Variants in CERS3 observed in about 807,000 individuals in gnomAD.
CERS3 encodes the protein LAG1 homolog, ceramide synthase 3.
CERS3 carries 33 observed loss-of-function variants against 50.3 expected under a neutral mutation model. The observed-to-expected ratio is 0.66, with a 90% CI of 0.50 to 0.88. CERS3 has a LOEUF of 0.88. Ranked by LOEUF, CERS3 falls within the 40% of genes least tolerant of loss-of-function variation. The pLI is 0.00. For synonymous variants in CERS3, 176 were observed against 155.2 expected (o/e 1.13, Z -0.99); for missense variants, 470 against 460.3 (o/e 1.02, Z -0.19).
At chr15:100,496,825 T>C (rs1382713127) in intron 3 of CERS3, among the ~76,000 whole-genome samples, 2 of 152,214 alleles carry the variant, frequency 1.3e-5, no homozygotes, top group Non-Finnish European at 2.9e-5. Context: ...TAGTTATGAA[T>C]GATCATTTAG....
At chr15:100,474,839 C>T (rs545919699) in intron 8 of CERS3, among the ~76,000 whole-genome samples, 3 of 152,154 alleles carry the variant, frequency 2.0e-5, no homozygotes, top group African/African-American at 4.8e-5. Flanking sequence ...GATGTTAGTG[C>T]GTGGTGAAGC....
Position 100,455,974 on chromosome 15 carries a change from T to C in CERS3, c.918A>G (p.Leu306=), listed in dbSNP as rs1567630222. The change falls in exon 11 of 12, where the codon CTA becomes CTG. Residue 306 remains leucine (L), a synonymous_variant. Coordinates refer to ENST00000679737, the MANE Select transcript of CERS3 (RefSeq NM_001378789.1). ...EPFFSYIFLN[L]QLMILQVLHL... ...GAAGGACCTGCAAGATCATGAGCTG[T>C]AGGTTGAGGAAGATGTATGAAAAGA... The C allele has an allele frequency of 1.2e-6, 2 of 1,612,598 alleles. No homozygotes were observed. Among genetic ancestry groups the C allele is most frequent in the Non-Finnish European group, 1.7e-6 (2 of 1,178,854 alleles).
chr15:100,444,773 G>T (rs950610772), intron 11 of CERS3, among the ~76,000 whole-genome samples: 2 of 152,114 alleles, frequency 1.3e-5, no homozygotes, highest in Non-Finnish European at 2.9e-5. Context: ...ATACCTCTTG[G>T]TTTAGGTAGA....
At chr15:100,456,166 G>A in intron 10 of CERS3, 120 bp from the exon 11 acceptor site, 4 of 591,548 alleles carry the variant, frequency 6.8e-6, no homozygotes, top group South Asian at 4.4e-5. Context: ...ATAAAGCCCA[G>A]AAAATTATCA....
rs1170051830 is a variant in CERS3 at position 100,494,210 on chromosome 15, CATATATATATAT to C, written c.174-3291_174-3280del. On this transcript the variant is annotated intron_variant, in intron 3 of 11. Coordinates refer to ENST00000679737, the MANE Select transcript of CERS3 (RefSeq NM_001378789.1). ...TTTGCTTAGTCACCTTTTTTCTTTT[CATATATATATAT>C]ATATATATATATATATATATATATA... 1.6e-3 allele frequency among the ~76,000 whole-genome samples: 122 copies of C among 78,114 alleles called. 1 individual carries two copies. The highest frequency in any genetic ancestry group is 6.5e-3 in the African/African-American group (116 of 17,894). 51.2% of individuals were successfully genotyped at this position (78,114 alleles called of 152,430 possible). A position where few individuals can be genotyped will look rare whatever the true frequency, so the allele number is the denominator to read the frequency against.
chr15:100,446,430 T>C lies in CERS3; in HGVS notation c.999+9463A>G, dbSNP rs149271102. ...CTAATTTCCCATACCTCTGTGAAGA[T>C]CTAGAAGCTAAGAGATGGTAGAAAA... On this transcript the variant is annotated intron_variant, in intron 11 of 11. Coordinates refer to ENST00000679737, the MANE Select transcript of CERS3 (RefSeq NM_001378789.1). Among the ~76,000 whole-genome samples the C allele has an allele frequency of 2.2e-3, 337 of 150,302 alleles. 3 individuals are homozygous for C. Among genetic ancestry groups the C allele is most frequent in the Admixed American group, 0.016 (235 of 14,916 alleles).
intron 11 of CERS3, among the ~76,000 whole-genome samples, chr15:100,410,020 T>A (rs181217340): frequency 1.3e-5 from 2 of 152,310 alleles, no homozygotes; most frequent in Admixed American, 1.3e-4. Context: ...TAGCCGCCAT[T>A]ACAGAGCATA....
At chr15:100,461,300 C>G (rs1166906376) in intron 10 of CERS3, among the ~76,000 whole-genome samples, 1 of 152,120 alleles carries the variant, frequency 6.6e-6, no homozygotes, top group East Asian at 1.9e-4. Flanking sequence ...AGACACACAG[C>G]CAGCTTTACA....
At chr15:100,441,362 C>G (rs916516173) in intron 11 of CERS3, among the ~76,000 whole-genome samples, 2 of 151,264 alleles carry the variant, frequency 1.3e-5, no homozygotes, top group Non-Finnish European at 2.9e-5. Context: ...GACCCCTTAT[C>G]TCTGCACCCC....
intron 11 of CERS3, among the ~76,000 whole-genome samples, chr15:100,411,296 G>T (rs563417152): frequency 1.4e-4 from 21 of 152,226 alleles, no homozygotes; most frequent in Admixed American, 4.6e-4. Context: ...CAAGTAGCTG[G>T]CGTTACAGGT....
At chr15:100,543,071 A>G (rs1348285102) in intron 1 of CERS3, among the ~76,000 whole-genome samples, 1 of 151,588 alleles carries the variant, frequency 6.6e-6, no homozygotes, top group Non-Finnish European at 1.5e-5. Context: ...CCACCACCAC[A>G]CCTGGCTAGT....
chr15:100,471,551 T>G (rs1360260306), intron 9 of CERS3, among the ~76,000 whole-genome samples: 1 of 152,132 alleles, frequency 6.6e-6, no homozygotes, highest in African/African-American at 2.4e-5. Context: ...CAGAGTCGTA[T>G]AAAATTCTTA....
intron 1 of CERS3, among the ~76,000 whole-genome samples, chr15:100,543,481 G>GCCTT (rs781781900): frequency 0.027 from 3,055 of 114,132 alleles, 33 homozygotes; most frequent in Non-Finnish European, 0.039. Context: ...CACAAGAGAA[G>GCCTT]GCTTCCTTCC....
intron 11 of CERS3, among the ~76,000 whole-genome samples, chr15:100,435,927 G>C (rs933024582): frequency 4.6e-5 from 7 of 152,180 alleles, no homozygotes; most frequent in African/African-American, 1.4e-4. Context: ...CAATGAGATA[G>C]CATCTCACAC....
intron 11 of CERS3, among the ~76,000 whole-genome samples, chr15:100,442,759 A>C (rs2033736124): frequency 6.6e-6 from 1 of 152,258 alleles, no homozygotes; most frequent in Non-Finnish European, 1.5e-5. Flanking sequence ...TAGCAGCTGA[A>C]GACTGACACT....
intron 11 of CERS3, among the ~76,000 whole-genome samples, chr15:100,425,559 A>AT (rs1167748611): frequency 6.6e-6 from 1 of 152,162 alleles, no homozygotes; most frequent in Non-Finnish European, 1.5e-5. Context: ...GAAAGGGAGT[A>AT]TTTACCCAAT....
chr15:100,468,488 C>A (rs1036016724), intron 10 of CERS3, among the ~76,000 whole-genome samples: 10 of 152,156 alleles, frequency 6.6e-5, no homozygotes, highest in Non-Finnish European at 1.2e-4. Flanking sequence ...GGCTGGATTT[C>A]CCTGGATGCC....
intron 9 of CERS3, 50 bp downstream of exon 9, chr15:100,472,874 G>GAA: frequency 6.2e-7 from 1 of 1,611,708 alleles, no homozygotes; most frequent in Non-Finnish European, 8.5e-7. Context: ...AGCAGTTACG[G>GAA]AAACCCAGGA....
chr15:100,521,116 A>G (rs956173671), intron 2 of CERS3, among the ~76,000 whole-genome samples: 1 of 152,208 alleles, frequency 6.6e-6, no homozygotes, highest in Non-Finnish European at 1.5e-5. Context: ...ACTCAAATTT[A>G]GGCATTAACG....
Sources: gnomAD v4.1 joint callset for allele counts (sites outside exome capture counted in the v4.1 genomes callset) on GRCh38, gnomAD v4.1.1 for gene constraint, MANE v1.5 for transcripts, NCBI Gene and HGNC (gene_info 2026-07-23, HGNC 2026-07-21) for gene names.